VPS45: variants seen among roughly 807,000 people sequenced by gnomAD.
VPS45 encodes vacuolar protein sorting-associated protein 45.
In VPS45, 35 loss-of-function variants were observed where a neutral mutation model predicts 75.9. That is an observed-to-expected ratio of 0.46 (90% CI 0.35 to 0.61). The LOEUF (loss-of-function observed/expected upper bound fraction) is 0.61, where lower values mean the gene tolerates loss of function less well. VPS45 is among the 20% of genes least tolerant of loss of function. The probability of loss-of-function intolerance (pLI) is 0.00; values close to 1 mark genes in which losing one functional copy is unlikely to be tolerated. For synonymous variants in VPS45, 220 were observed against 238.2 expected (o/e 0.92, Z 0.70); for missense variants, 559 against 685.9 (o/e 0.81, Z 2.07).
intron 13 of VPS45, among the ~76,000 whole-genome samples, chr1:150,106,127 G>A (rs1422421367): frequency 6.6e-6 from 1 of 152,148 alleles, no homozygotes; most frequent in Non-Finnish European, 1.5e-5. Flanking sequence ...TAAAGGCCTA[G>A]ATGTGGGACC....
At chr1:150,119,057 A>G (rs1047738916) in intron 14 of VPS45, among the ~76,000 whole-genome samples, 1 of 152,238 alleles carries the variant, frequency 6.6e-6, no homozygotes, top group African/African-American at 2.4e-5. Flanking sequence ...ATAAGTAAAT[A>G]GTGAAATTTA....
chr1:150,068,522 C>T, intron 1 of VPS45, 108 bp from the exon 2 acceptor site: 1 of 1,065,078 alleles, frequency 9.4e-7, no homozygotes. Flanking sequence ...CCGTATATTA[C>T]TATTTAAGTT....
chr1:150,123,004 A>AAT (rs35489870), intron 14 of VPS45, among the ~76,000 whole-genome samples: 4 of 151,148 alleles, frequency 2.6e-5, no homozygotes, highest in Non-Finnish European at 4.4e-5. Context: ...AAAAAAAAAA[A>AAT]GCATTTTCAT....
intron 2 of VPS45, among the ~76,000 whole-genome samples, chr1:150,069,212 A>G (rs1265276981): frequency 6.6e-6 from 1 of 151,998 alleles, no homozygotes; most frequent in Non-Finnish European, 1.5e-5. Context: ...TTAAAGCCCT[A>G]CTTTGTTGGT....
chr1:150,089,967 CTG>C (rs1441091899), intron 10 of VPS45, among the ~76,000 whole-genome samples: 2 of 152,292 alleles, frequency 1.3e-5, no homozygotes, highest in Non-Finnish European at 2.9e-5. Context: ...TCAGAGAACT[CTG>C]TACTTGAAAG....
intron 14 of VPS45, among the ~76,000 whole-genome samples, chr1:150,116,678 G>A (rs1340979433): frequency 6.6e-6 from 1 of 152,000 alleles, no homozygotes; most frequent in Non-Finnish European, 1.5e-5. Context: ...TAGCCATATG[G>A]GATTTTGTCT....
At chr1:150,133,230 G>T (rs1358970997) in intron 14 of VPS45, among the ~76,000 whole-genome samples, 2 of 152,014 alleles carry the variant, frequency 1.3e-5, no homozygotes, top group African/African-American at 4.8e-5. Context: ...CTCCTTTGGG[G>T]CCCCCCAGAG....
intron 14 of VPS45, among the ~76,000 whole-genome samples, chr1:150,144,483 T>A (rs1303129712): frequency 6.0e-5 from 9 of 149,664 alleles, no homozygotes; most frequent in Admixed American, 4.0e-4. Flanking sequence ...AATTTAATTC[T>A]AAAAAAAAAA....
At chr1:150,134,176 T>C (rs1303909847) in intron 14 of VPS45, among the ~76,000 whole-genome samples, 1 of 152,214 alleles carries the variant, frequency 6.6e-6, no homozygotes. Context: ...ATTCCAAGAC[T>C]TATTATATAG....
chr1:150,108,825 A>T (rs1487449509), intron 13 of VPS45, among the ~76,000 whole-genome samples: 3 of 152,104 alleles, frequency 2.0e-5, no homozygotes, highest in African/African-American at 7.2e-5. Flanking sequence ...TAACGCCTCC[A>T]CGGATCTAAG....
intron 14 of VPS45, among the ~76,000 whole-genome samples, chr1:150,115,060 T>G (rs1268113298): frequency 6.6e-6 from 1 of 152,216 alleles, no homozygotes; most frequent in Non-Finnish European, 1.5e-5. Flanking sequence ...TTACTTGGTA[T>G]GAAAAAGTCA....
At chr1:150,143,329 C>A (rs1252618248) in intron 14 of VPS45, among the ~76,000 whole-genome samples, 4 of 152,100 alleles carry the variant, frequency 2.6e-5, no homozygotes, top group Non-Finnish European at 4.4e-5. Context: ...GTGGCTCACG[C>A]TTGTAATCCC....
At chr1:150,142,319 A>T (rs782367168) in intron 14 of VPS45, among the ~76,000 whole-genome samples, 1 of 152,112 alleles carries the variant, frequency 6.6e-6, no homozygotes, top group African/African-American at 2.4e-5. Flanking sequence ...ATCAAGACTT[A>T]TTGTGTTATT....
At chr1:150,135,928 C>T (rs587737467) in intron 14 of VPS45, among the ~76,000 whole-genome samples, 2 of 151,780 alleles carry the variant, frequency 1.3e-5, no homozygotes, top group East Asian at 2.0e-4. Context: ...CATGAACCAC[C>T]ACGCCTAGCC....
chr1:150,124,311 C>G (rs76850377), intron 14 of VPS45, among the ~76,000 whole-genome samples: 1 of 151,730 alleles, frequency 6.6e-6, no homozygotes. Flanking sequence ...ATACAAAAAT[C>G]AGTCAGACGT....
intron 14 of VPS45, among the ~76,000 whole-genome samples, chr1:150,128,273 G>T (rs1452109583): frequency 6.8e-6 from 1 of 147,922 alleles, no homozygotes; most frequent in Non-Finnish European, 1.5e-5. Flanking sequence ...CTGCACTCCA[G>T]CCTGGGTAAC....
intron 10 of VPS45, among the ~76,000 whole-genome samples, chr1:150,085,997 G>A (rs1655995721): frequency 6.6e-6 from 1 of 152,028 alleles, no homozygotes; most frequent in African/African-American, 2.4e-5. Context: ...CCCATGCCCA[G>A]CCTGTGTTGT....
At chr1:150,067,571 C>G, upstream of VPS45, 2 of 428,810 alleles carry the variant, frequency 4.7e-6, no homozygotes, top group South Asian at 4.3e-5. Flanking sequence ...CAATAGGGGT[C>G]TGAGAGTCCG....
At chr1:150,091,240 A>G (rs1656309171) in intron 10 of VPS45, among the ~76,000 whole-genome samples, 1 of 152,218 alleles carries the variant, frequency 6.6e-6, no homozygotes, top group South Asian at 2.1e-4. Context: ...AGTGCATGAC[A>G]TACTGCCTTA....
Sources: allele counts gnomAD v4.1 joint callset (sites outside exome capture counted in the v4.1 genomes callset), GRCh38; gene constraint gnomAD v4.1.1; transcripts MANE v1.5; gene names NCBI Gene and HGNC (gene_info 2026-07-23, HGNC 2026-07-21).